GLRA2: variants seen among roughly 807,000 people sequenced by gnomAD.
The protein encoded by GLRA2 is glycine receptor alpha 2, also known as glycine receptor subunit alpha-2.
A neutral mutation model predicts 31.6 loss-of-function variants in GLRA2; 11 were observed. The ratio of observed to expected loss-of-function variants is 0.35; its 90% CI spans 0.22 to 0.58. The LOEUF (loss-of-function observed/expected upper bound fraction) is 0.58, where lower values mean the gene tolerates loss of function less well. Ranked by LOEUF, GLRA2 falls within the 20% of genes least tolerant of loss-of-function variation. The pLI is 0.84. For synonymous variants in GLRA2, 132 were observed against 134.0 expected (o/e 0.99, Z 0.10); for missense variants, 212 against 351.8 (o/e 0.60, Z 3.18).
chrX:14,593,955 C>T (rs1236158521), intron 4 of GLRA2, among the ~76,000 whole-genome samples: 15 of 112,546 alleles, frequency 1.3e-4, no homozygotes, highest in South Asian at 3.7e-4. Context: ...TGATGCTGTT[C>T]CTCCCCTTTA....
chrX:14,660,776 G>A (rs746466338), intron 7 of GLRA2, among the ~76,000 whole-genome samples: 27 of 111,931 alleles, frequency 2.4e-4, no homozygotes, highest in Non-Finnish European at 1.1e-4. Flanking sequence ...AATGTTTTGC[G>A]TAGTAACTGG....
chrX:14,474,041 A>G, the GLRA2 span, among the ~76,000 whole-genome samples: 1 of 111,731 alleles, frequency 9.0e-6, no homozygotes, highest in Non-Finnish European at 1.9e-5. Context: ...TAGTCTTAAC[A>G]TGCTTTGCTT....
chrX:14,683,592 T>C (rs1293957793), intron 7 of GLRA2, among the ~76,000 whole-genome samples: 1 of 111,880 alleles, frequency 8.9e-6, no homozygotes, highest in East Asian at 2.8e-4. Context: ...TTGCCATTGC[T>C]TTTGGTGTTG....
At chrX:14,622,317 G>T (rs2090530511) in intron 7 of GLRA2, among the ~76,000 whole-genome samples, 1 of 111,684 alleles carries the variant, frequency 9.0e-6, no homozygotes, top group Non-Finnish European at 1.9e-5. Flanking sequence ...TAGGTTTCCT[G>T]TTCACTCTGA....
intron 8 of GLRA2, among the ~76,000 whole-genome samples, chrX:14,719,859 A>G (rs1430151672): frequency 8.9e-6 from 1 of 112,352 alleles, no homozygotes; most frequent in Non-Finnish European, 1.9e-5. Context: ...ATGGAGTACT[A>G]TTCAGTCTTA....
chrX:14,623,662 C>T (rs1273420455), intron 7 of GLRA2, among the ~76,000 whole-genome samples: 3 of 111,377 alleles, frequency 2.7e-5, no homozygotes, highest in Non-Finnish European at 5.7e-5. Flanking sequence ...TATCGATTTG[C>T]GTATGTTGAA....
chrX:14,451,622 C>A, the GLRA2 span, among the ~76,000 whole-genome samples: 3 of 78,292 alleles, frequency 3.8e-5, no homozygotes, highest in African/African-American at 1.6e-4. Context: ...CCAGCCAGGA[C>A]AACAGAGTGA....
chrX:14,602,581 C>T (rs1377904746), intron 4 of GLRA2, among the ~76,000 whole-genome samples: 2 of 110,719 alleles, frequency 1.8e-5, no homozygotes, highest in African/African-American at 6.6e-5. Context: ...TCACCTCCTT[C>T]CCACCCTTTC....
intron 8 of GLRA2, among the ~76,000 whole-genome samples, chrX:14,702,888 C>T (rs754639197): frequency 9.0e-6 from 1 of 111,280 alleles, no homozygotes; most frequent in Non-Finnish European, 1.9e-5. Context: ...ACAGGGGCCA[C>T]CATACAGAGA....
chrX:14,574,418 A>G lies in GLRA2; in HGVS notation c.270+18A>G. ...CGACCATGGTAAGTGCTGCAATGCCACTGGCAAGAGAAAGACACAACTCAA... is the reference window on the plus strand; with the variant it reads ...CGACCATGGTAAGTGCTGCAATGCCGCTGGCAAGAGAAAGACACAACTCAA... On this transcript the variant is annotated intron_variant, in intron 3 of 8. Coordinates refer to ENST00000218075, the MANE Select transcript of GLRA2 (RefSeq NM_002063.4). The G allele has an allele frequency of 8.6e-7, 1 of 1,168,642 alleles. No individual in the cohort carries two copies. The highest frequency in any genetic ancestry group is 1.8e-5 in the South Asian group (1 of 56,054).
intron 2 of GLRA2, among the ~76,000 whole-genome samples, chrX:14,536,897 T>A (rs2089331574): frequency 8.9e-6 from 1 of 111,849 alleles, no homozygotes; most frequent in African/African-American, 3.2e-5. Flanking sequence ...ATAAAACTTT[T>A]AAAATGATAA....
chrX:14,663,783 C>T (rs1009812170), intron 7 of GLRA2, among the ~76,000 whole-genome samples: 1 of 111,152 alleles, frequency 9.0e-6, no homozygotes, highest in African/African-American at 3.3e-5. Flanking sequence ...GGGAAATGGG[C>T]TACTTAGATT....
At chrX:14,500,583 T>G in the GLRA2 span, among the ~76,000 whole-genome samples, 2 of 112,175 alleles carry the variant, frequency 1.8e-5, no homozygotes, top group African/African-American at 6.5e-5. Flanking sequence ...TGACAGGGAA[T>G]CCAAGATGGT....
chrX:14,548,379 C>T (rs1286007816), intron 2 of GLRA2, among the ~76,000 whole-genome samples: 2 of 111,188 alleles, frequency 1.8e-5, no homozygotes, highest in Admixed American at 1.9e-4. Context: ...ATCTTTGAAG[C>T]CCCAGGTTTT....
intron 2 of GLRA2, among the ~76,000 whole-genome samples, chrX:14,544,454 T>C (rs2089451081): frequency 8.9e-6 from 1 of 111,742 alleles, no homozygotes; most frequent in Non-Finnish European, 1.9e-5. Context: ...TGGGTAAATC[T>C]TGTAGTTGTG....
the GLRA2 span, among the ~76,000 whole-genome samples, chrX:14,482,760 CCACCACCAT>C: frequency 9.0e-6 from 1 of 110,966 alleles, no homozygotes; most frequent in Admixed American, 9.6e-5. Flanking sequence ...ACCACCACCA[CCACCACCAT>C]CATCATCTTT....
intron 7 of GLRA2, among the ~76,000 whole-genome samples, chrX:14,615,857 T>C (rs1018730347): frequency 8.9e-6 from 1 of 111,989 alleles, no homozygotes; most frequent in Non-Finnish European, 1.9e-5. Flanking sequence ...ACCAATACTT[T>C]TTGTGTTTTT....
chrX:14,544,578 A>G (rs960473857), intron 2 of GLRA2, among the ~76,000 whole-genome samples: 17 of 111,681 alleles, frequency 1.5e-4, no homozygotes, highest in African/African-American at 3.9e-4. Flanking sequence ...TGCAATATTT[A>G]TCTTAACTTG....
At chrX:14,473,330 C>T in the GLRA2 span, among the ~76,000 whole-genome samples, 1 of 111,770 alleles carries the variant, frequency 8.9e-6, no homozygotes, top group Admixed American at 9.5e-5. Context: ...AATTGAGGTG[C>T]CTATAAATTT....
Sources: gnomAD v4.1 joint callset for allele counts (sites outside exome capture counted in the v4.1 genomes callset) on GRCh38, gnomAD v4.1.1 for gene constraint, MANE v1.5 for transcripts, NCBI Gene and HGNC (gene_info 2026-07-23, HGNC 2026-07-21) for gene names.